The following CORIN variants were observed in gnomAD, a reference collection of about 807,000 sequenced individuals.
CORIN encodes the protein corin, serine peptidase.
A neutral mutation model predicts 125.3 loss-of-function variants in CORIN; 117 were observed. The ratio of observed to expected loss-of-function variants is 0.93; its 90% CI spans 0.80 to 1.09. The LOEUF (loss-of-function observed/expected upper bound fraction) is 1.09, where lower values mean the gene tolerates loss of function less well. CORIN is among the 50% of genes least tolerant of loss of function. CORIN has a pLI of 0.00. For missense variants in CORIN, 1,253 were observed against 1,306.7 expected (o/e 0.96, Z 0.63); for synonymous variants, 450 against 466.4 (o/e 0.96, Z 0.45).
chr4:47,644,673 C>T (rs1052637449), intron 14 of CORIN, among the ~76,000 whole-genome samples: 3 of 152,038 alleles, frequency 2.0e-5, no homozygotes, highest in African/African-American at 4.8e-5. Context: ...GATATATGTA[C>T]TTTCAAAACT....
At chr4:47,797,213 A>G (rs1354830927) in intron 2 of CORIN, among the ~76,000 whole-genome samples, 1 of 148,252 alleles carries the variant, frequency 6.7e-6, no homozygotes, top group Non-Finnish European at 1.5e-5. Context: ...TTTATAATAT[A>G]TAATATAATA....
rs1577811420 is a variant in CORIN, at chr4:47,674,287, T to C, written c.1357+106A>G. The C allele has an allele frequency of 7.4e-6, 6 of 806,834 alleles. No individual in the cohort carries two copies. In the East Asian group the frequency reaches 1.5e-4, roughly 20 times the overall value. 50.0% of individuals were successfully genotyped at this position (806,834 alleles called of 1,614,324 possible). ...AAAAAGAAAAAGAAAATAGGTAGGC[T>C]TTTTTGGAGGGATTCCAGACTTCAG... On this transcript the variant is annotated intron_variant, in intron 10 of 21. Coordinates refer to ENST00000273857, the MANE Select transcript of CORIN (RefSeq NM_006587.4).
chr4:47,691,008 A>G (rs1346608917), intron 6 of CORIN, among the ~76,000 whole-genome samples: 1 of 152,242 alleles, frequency 6.6e-6, no homozygotes, highest in South Asian at 2.1e-4. Flanking sequence ...GGAAAGGGCC[A>G]TATCTATTTT....
At chr4:47,670,582 T>C (rs573944995) in intron 10 of CORIN, among the ~76,000 whole-genome samples, 178 of 152,326 alleles carry the variant, frequency 1.2e-3, no homozygotes, top group Non-Finnish European at 1.8e-3. Context: ...CGAGTAAGCG[T>C]AAAACTAAAG....
chr4:47,740,081 G>C (rs1560527547), intron 5 of CORIN, among the ~76,000 whole-genome samples: 1 of 151,876 alleles, frequency 6.6e-6, no homozygotes, highest in Non-Finnish European at 1.5e-5. Flanking sequence ...ATTACATTAA[G>C]TGTAAATGAA....
chr4:47,810,814 C>G (rs1189135682), intron 1 of CORIN, among the ~76,000 whole-genome samples: 1 of 152,160 alleles, frequency 6.6e-6, no homozygotes, highest in African/African-American at 2.4e-5. Flanking sequence ...ATAGATCTTT[C>G]CTCTGATCTC....
At chr4:47,641,382 T>C (rs1213548899) in intron 16 of CORIN, among the ~76,000 whole-genome samples, 1 of 152,166 alleles carries the variant, frequency 6.6e-6, no homozygotes, top group Non-Finnish European at 1.5e-5. Flanking sequence ...CCTCACAAAA[T>C]AGCAAGTATC....
At chr4:47,625,320 C>T (rs1722507734) in intron 17 of CORIN, among the ~76,000 whole-genome samples, 1 of 151,962 alleles carries the variant, frequency 6.6e-6, no homozygotes, top group African/African-American at 2.4e-5. Context: ...TCATCAAAGA[C>T]TATTCATCCA....
intron 5 of CORIN, among the ~76,000 whole-genome samples, chr4:47,704,678 G>A: frequency 6.6e-6 from 1 of 152,124 alleles, no homozygotes; most frequent in East Asian, 1.9e-4. Flanking sequence ...AACTCTCATT[G>A]CTGCAATTTG....
chr4:47,761,133 G>A lies in CORIN; in HGVS notation c.617+2246C>T, dbSNP rs569953184. ...GCCTTCTAATCATTTGTGTGTTCAC[G>A]GATGTAGCACTGTTTGTTGCCTATA... On this transcript the variant is annotated intron_variant, in intron 4 of 21. Transcript: ENST00000273857. 1.3e-3 allele frequency among the ~76,000 whole-genome samples: 197 copies of A among 152,308 alleles called. 2 individuals carry two copies. Among genetic ancestry groups the A allele is most frequent in the Middle Eastern group, 6.8e-3 (2 of 294 alleles).
At position 47,628,437 on chromosome 4, in the gene CORIN, C is replaced by CAT. The variant is rs1476523204; in HGVS notation, c.2199-1917_2199-1916insAT. Among the ~76,000 whole-genome samples, 5 of 147,476 alleles carry CAT rather than the reference C, an allele frequency of 3.4e-5. No homozygotes were observed. The South Asian group carries it at 1.1e-3, about 33-fold the overall frequency. Reference sequence around the variant, plus strand: ...AAGCATATCTATCACCACATAGTTACGTGTGTGTGTGTGTGTGTGTGTGTG... The same window carrying CAT: ...AAGCATATCTATCACCACATAGTTACATGTGTGTGTGTGTGTGTGTGTGTGTG... On this transcript the variant is annotated intron_variant, in intron 16 of 21. Transcript: ENST00000273857.
intron 12 of CORIN, among the ~76,000 whole-genome samples, chr4:47,659,780 C>T (rs60513198): frequency 1.9e-4 from 29 of 152,248 alleles, no homozygotes; most frequent in African/African-American, 6.3e-4. Flanking sequence ...AACTATATCA[C>T]TATGTAAAGC....
At chr4:47,666,289 C>A (rs897009623) in intron 10 of CORIN, among the ~76,000 whole-genome samples, 4 of 152,212 alleles carry the variant, frequency 2.6e-5, no homozygotes, top group Admixed American at 2.6e-4. Flanking sequence ...GCCTCCCCTA[C>A]ACAATCCTGA....
At chr4:47,749,581 G>C (rs932826841) in intron 4 of CORIN, among the ~76,000 whole-genome samples, 3 of 150,360 alleles carry the variant, frequency 2.0e-5, no homozygotes, top group African/African-American at 7.5e-5. Context: ...CAGAGGACCT[G>C]GCTGGGCCAC....
rs61762906 is a variant in CORIN at position 47,720,399 on chromosome 4, C to T, written c.799+24003G>A. On this transcript the variant is annotated intron_variant, in intron 5 of 21. Coordinates refer to ENST00000273857, the MANE Select transcript of CORIN (RefSeq NM_006587.4). ...ATTTCTTTTTCTCCAGGTCAATATT[C>T]GCAGTTCTAAACTAAATAACCACTT... 6.1e-3 allele frequency among the ~76,000 whole-genome samples: 933 copies of T among 152,218 alleles called. 9 individuals are homozygous for T. The highest frequency in any genetic ancestry group is 0.017 in the South Asian group (84 of 4,806).
At chr4:47,707,966 C>G (rs1726656135) in intron 5 of CORIN, among the ~76,000 whole-genome samples, 1 of 152,156 alleles carries the variant, frequency 6.6e-6, no homozygotes, top group Admixed American at 6.5e-5. Flanking sequence ...CTTCATTTTT[C>G]CATAGAACAC....
chr4:47,830,472 TCCCTG>T (rs1360835131), intron 1 of CORIN, among the ~76,000 whole-genome samples: 1 of 152,180 alleles, frequency 6.6e-6, no homozygotes, highest in Non-Finnish European at 1.5e-5. Context: ...TCATCTCTCC[TCCCTG>T]CACTCATGGT....
At chr4:47,755,917 T>A (rs1003465944) in intron 4 of CORIN, among the ~76,000 whole-genome samples, 2 of 152,230 alleles carry the variant, frequency 1.3e-5, no homozygotes, top group African/African-American at 2.4e-5. Context: ...GGTTCCCTGA[T>A]TGAAGAGTTC....
rs1723306499 is a variant in CORIN, at chr4:47,643,127, G to A, written c.2068+19C>T. ...CAGGCATGAGAGAGTACAACAGATG[G>A]CAGAAACAAGTAGCTCACCACAGTC... On this transcript the variant is annotated intron_variant, in intron 15 of 21. Coordinates refer to ENST00000273857, the MANE Select transcript of CORIN (RefSeq NM_006587.4). 2.5e-6 allele frequency: 4 copies of A among 1,613,864 alleles called. No individual in the cohort carries two copies. The highest frequency in any genetic ancestry group is 3.4e-6 in the Non-Finnish European group (4 of 1,179,994).
Sources: gnomAD v4.1 joint callset for allele counts (sites outside exome capture counted in the v4.1 genomes callset) on GRCh38, gnomAD v4.1.1 for gene constraint, MANE v1.5 for transcripts, NCBI Gene and HGNC (gene_info 2026-07-23, HGNC 2026-07-21) for gene names.